The following FAXC variants were observed in gnomAD, a reference collection of about 807,000 sequenced individuals.
The protein encoded by FAXC is failed axon connections homolog, metaxin like GST domain containing.
FAXC carries 10 observed loss-of-function variants against 41.9 expected under a neutral mutation model. The ratio of observed to expected loss-of-function variants is 0.24; its 90% CI spans 0.15 to 0.41. FAXC has a LOEUF of 0.41. FAXC is among the 10% of genes least tolerant of loss of function. The probability of loss-of-function intolerance (pLI) is 1.00; values close to 1 mark genes in which losing one functional copy is unlikely to be tolerated. For synonymous variants in FAXC, 183 were observed against 183.8 expected, an observed-to-expected ratio of 1.00 and a Z score of 0.03; for missense variants, 399 against 510.9, an observed-to-expected ratio of 0.78 and a Z score of 2.11.
rs574987153 is a variant in FAXC at position 99,319,323 on chromosome 6, C to T, written c.823+4121G>A. 2.3e-4 allele frequency among the ~76,000 whole-genome samples: 34 copies of T among 151,000 alleles called. No homozygotes were observed. In the South Asian group the frequency reaches 6.7e-3, roughly 30 times the overall value. On this transcript the variant is annotated intron_variant, in intron 4 of 5. Transcript: ENST00000389677. ...GTGAGACAGGAGAATGGCGTGATCC[C>T]GCGAAGCGGAGCTTGCAGTGAGCCG...
intron 4 of FAXC, among the ~76,000 whole-genome samples, chr6:99,302,233 C>G (rs1429265553): frequency 1.3e-5 from 2 of 152,230 alleles, no homozygotes; most frequent in African/African-American, 4.8e-5. Context: ...CACCTCAGAG[C>G]TGGCTTCTGT....
intron 4 of FAXC, among the ~76,000 whole-genome samples, chr6:99,297,657 A>G (rs1771549666): frequency 6.6e-6 from 1 of 152,174 alleles, no homozygotes; most frequent in Non-Finnish European, 1.5e-5. Flanking sequence ...ATGAGAGCTG[A>G]CAGTGTGTGA....
In FAXC at chr6:99,349,604, A is replaced by G. The variant is rs1773731163; in HGVS notation, c.-232T>C. 6.3e-6 allele frequency: 1 copy of G among 157,534 alleles called. No individual in the cohort carries two copies. Among genetic ancestry groups the G allele is most frequent in the African/African-American group, 2.4e-5 (1 of 41,358 alleles). 9.8% of individuals were successfully genotyped at this position (157,534 alleles called of 1,614,324 possible). The stretch of plus-strand genomic sequence containing the variant: ...GCGGGGCCCCAGAGCCCTGGGCGGC[A>G]GCAGCGGCCGCCGGCTCCCCCCGCA... On this transcript the variant is annotated 5_prime_UTR_variant, in exon 1 of 6. Transcript: ENST00000389677.
In FAXC at chr6:99,272,142, C is replaced by T. The variant is rs1017838165; in HGVS notation, c.*9022G>A. ...GAAGAGGTATGAAAACTAATTGAGACTATATGTGTGTGTGTGTGTGTGTGT... is the reference window on the plus strand; with the variant it reads ...GAAGAGGTATGAAAACTAATTGAGATTATATGTGTGTGTGTGTGTGTGTGT... On this transcript the variant is annotated 3_prime_UTR_variant, in exon 6 of 6. Coordinates refer to ENST00000389677, the MANE Select transcript of FAXC (RefSeq NM_032511.4). The T allele has an allele frequency of 1.2e-5, 1 of 83,050 alleles. No individual in the cohort carries two copies. Among genetic ancestry groups the T allele is most frequent in the Non-Finnish European group, 2.6e-5 (1 of 38,062 alleles). 5.1% of individuals were successfully genotyped at this position (83,050 alleles called of 1,614,324 possible).
In FAXC at chr6:99,338,791, T is replaced by C. The variant is rs535933280; in HGVS notation, c.402+4107A>G. 1.8e-4 allele frequency among the ~76,000 whole-genome samples: 27 copies of C among 152,334 alleles called. 1 individual carries two copies. In the South Asian group the frequency reaches 5.4e-3, roughly 30 times the overall value. On this transcript the variant is annotated intron_variant, in intron 2 of 5. Transcript: ENST00000389677. ...CAATGCATTTAGATGCTGCAGACCTTGTTTCTTCCATTGCTGTCTTAGCAA... is the reference window on the plus strand; with the variant it reads ...CAATGCATTTAGATGCTGCAGACCTCGTTTCTTCCATTGCTGTCTTAGCAA...
intron 4 of FAXC, among the ~76,000 whole-genome samples, chr6:99,308,762 A>G (rs1476010210): frequency 6.6e-6 from 1 of 152,252 alleles, no homozygotes; most frequent in Non-Finnish European, 1.5e-5. Flanking sequence ...AAAAATAAAC[A>G]GGATACAAAG....
intron 4 of FAXC, among the ~76,000 whole-genome samples, chr6:99,322,551 C>A (rs1302169306): frequency 6.6e-6 from 1 of 152,134 alleles, no homozygotes; most frequent in Non-Finnish European, 1.5e-5. Context: ...AGTGAAAACC[C>A]ACCTTCTGCA....
At position 99,349,400 on chromosome 6, in the gene FAXC, C is replaced by G; in HGVS notation, c.-28G>C. 1.3e-6 allele frequency: 2 copies of G among 1,568,488 alleles called. No homozygotes were observed. The highest frequency in any genetic ancestry group is 1.2e-5 in the South Asian group (1 of 86,336). ...TGCGCGGCTGGCTCCGGGCGCCCCT[C>G]CCAGGGCCCGCGCCGCCCGCATGGG... On this transcript the variant is annotated 5_prime_UTR_variant, in exon 1 of 6. Transcript: ENST00000389677.
At position 99,275,253 on chromosome 6, in the gene FAXC, G is replaced by C. The variant is rs1770557497; in HGVS notation, c.*5911C>G. The C allele has an allele frequency of 6.6e-6, 1 of 152,122 alleles. No individual in the cohort carries two copies. Among genetic ancestry groups the C allele is most frequent in the Admixed American group, 6.5e-5 (1 of 15,270 alleles). The allele number at this position is 152,122 out of a possible 1,614,324, so 9.4% of individuals were successfully genotyped here. The stretch of plus-strand genomic sequence containing the variant: ...TAACTGATTATGATACACATATATT[G>C]CTTTATGGTTAGTGGATTGTTTCAA... On this transcript the variant is annotated 3_prime_UTR_variant, in exon 6 of 6. Coordinates refer to ENST00000389677, the MANE Select transcript of FAXC (RefSeq NM_032511.4).
chr6:99,331,245 T>C (rs1013151936), intron 3 of FAXC, among the ~76,000 whole-genome samples: 2 of 152,104 alleles, frequency 1.3e-5, no homozygotes, highest in African/African-American at 4.8e-5. Context: ...AATTAAAAAG[T>C]GAATTAGAGA....
rs143889744 is a variant in FAXC, at chr6:99,272,041, C to T, written c.*9123G>A. The T allele has an allele frequency of 2.6e-5, 4 of 152,122 alleles. No individual in the cohort carries two copies. The highest frequency in any genetic ancestry group is 2.6e-4 in the Admixed American group (4 of 15,266). The allele number at this position is 152,122 out of a possible 1,614,324, so 9.4% of individuals were successfully genotyped here. ...CCCTAAAGACTTGAGCATATCATGG[C>T]CATATTACCATATGCCAGTTTATCA... is the stretch of plus-strand genomic sequence containing the variant. On this transcript the variant is annotated 3_prime_UTR_variant, in exon 6 of 6. Coordinates refer to ENST00000389677, the MANE Select transcript of FAXC (RefSeq NM_032511.4).
rs1255867133 is a variant in FAXC at position 99,296,644 on chromosome 6, T to C, written c.824-4824A>G. 2.6e-5 allele frequency among the ~76,000 whole-genome samples: 4 copies of C among 151,894 alleles called. No homozygotes were observed. The East Asian group carries it at 7.7e-4, about 29-fold the overall frequency. On this transcript the variant is annotated intron_variant, in intron 4 of 5. Transcript: ENST00000389677. The stretch of plus-strand genomic sequence containing the variant: ...GAGCCCTCCTGACGATGAGGGTGAG[T>C]CCACATCCTGATAGTAGCAAAGTGA...
chr6:99,304,653 T>C (rs1260690882), intron 4 of FAXC, among the ~76,000 whole-genome samples: 1 of 152,232 alleles, frequency 6.6e-6, no homozygotes, highest in Non-Finnish European at 1.5e-5. Flanking sequence ...TCAACTGACC[T>C]TGGGAAGTTA....
intron 5 of FAXC, among the ~76,000 whole-genome samples, chr6:99,289,675 A>G (rs1460496370): frequency 8.3e-6 from 1 of 120,034 alleles, no homozygotes; most frequent in Non-Finnish European, 1.7e-5. Context: ...GTATATGTAA[A>G]TGTACATATG....
At chr6:99,341,259 TTAAA>T (rs1462409907) in intron 2 of FAXC, among the ~76,000 whole-genome samples, 1 of 151,954 alleles carries the variant, frequency 6.6e-6, no homozygotes, top group African/African-American at 2.4e-5. Flanking sequence ...GAGAAAAATA[TTAAA>T]TAAGATATTA....
At chr6:99,324,019 G>A (rs73497676) in intron 3 of FAXC, among the ~76,000 whole-genome samples, 1,552 of 152,224 alleles carry the variant, frequency 0.01, 26 homozygotes, top group African/African-American at 0.036. Flanking sequence ...TGAGTCAGAA[G>A]AGTGAGCACC....
At chr6:99,338,862 T>G (rs1279413975) in intron 2 of FAXC, among the ~76,000 whole-genome samples, 7 of 152,224 alleles carry the variant, frequency 4.6e-5, no homozygotes, top group Non-Finnish European at 7.3e-5. Context: ...ACTCCCCCCA[T>G]GCATTCCAGT....
chr6:99,336,823 G>C (rs1773235425), intron 2 of FAXC, among the ~76,000 whole-genome samples: 1 of 152,146 alleles, frequency 6.6e-6, no homozygotes, highest in Non-Finnish European at 1.5e-5. Flanking sequence ...TGAAGAACTT[G>C]AGACTCTAAG....
At chr6:99,284,487 C>T (rs1770942715) in intron 5 of FAXC, among the ~76,000 whole-genome samples, 1 of 151,914 alleles carries the variant, frequency 6.6e-6, no homozygotes, top group African/African-American at 2.4e-5. Flanking sequence ...TCACCATCAG[C>T]TGAGCCACTT....
Sources: gnomAD v4.1 joint callset for allele counts (sites outside exome capture counted in the v4.1 genomes callset) on GRCh38, gnomAD v4.1.1 for gene constraint, MANE v1.5 for transcripts, NCBI Gene and HGNC (gene_info 2026-07-23, HGNC 2026-07-21) for gene names.